The following C11orf65 variants were observed in gnomAD, a reference collection of about 807,000 sequenced individuals.
C11orf65 encodes the protein chromosome 11 open reading frame 65.
C11orf65 carries 38 observed loss-of-function variants against 35.3 expected under a neutral mutation model. The ratio of observed to expected loss-of-function variants is 1.08; its 90% CI spans 0.83 to 1.41. The LOEUF (loss-of-function observed/expected upper bound fraction) is 1.41. Ranked by LOEUF, C11orf65 falls within the 40% of genes most tolerant of loss-of-function variation. The probability of loss-of-function intolerance (pLI) is 0.00; values close to 1 mark genes in which losing one functional copy is unlikely to be tolerated. For missense variants in C11orf65, 370 were observed against 367.1 expected (o/e 1.01, Z -0.06); for synonymous variants, 105 against 114.4 (o/e 0.92, Z 0.53).
intron 2 of C11orf65, among the ~76,000 whole-genome samples, chr11:108,457,760 C>T (rs1195635951): frequency 2.0e-5 from 3 of 152,120 alleles, no homozygotes; most frequent in African/African-American, 4.8e-5. Context: ...AAGAAGTACT[C>T]ATGTTACTTT....
In C11orf65 at chr11:108,403,225, T is replaced by C. The variant is rs527277296; in HGVS notation, c.560+2204A>G. 2.0e-5 allele frequency among the ~76,000 whole-genome samples: 3 copies of C among 152,334 alleles called. No homozygotes were observed. The East Asian group carries it at 5.8e-4, about 29-fold the overall frequency. On this transcript the variant is annotated intron_variant, in intron 6 of 8. Coordinates refer to ENST00000393084, the MANE Select transcript of C11orf65 (RefSeq NM_152587.5). ...TCCATATCCTTGCCAACAATTGGCATGACAGACTATTTCAGTCATTCTAGT... is the reference window on the plus strand; with the variant it reads ...TCCATATCCTTGCCAACAATTGGCACGACAGACTATTTCAGTCATTCTAGT...
At chr11:108,357,762 CAGAA>C (rs1428990870) in intron 2 of C11orf65, among the ~76,000 whole-genome samples, 1 of 152,124 alleles carries the variant, frequency 6.6e-6, no homozygotes, top group Non-Finnish European at 1.5e-5. Flanking sequence ...AACTAACAAA[CAGAA>C]AGGATATCCA....
chr11:108,408,032 A>T (rs940244389), intron 3 of C11orf65, among the ~76,000 whole-genome samples: 2 of 121,606 alleles, frequency 1.6e-5, no homozygotes, highest in African/African-American at 5.5e-5. Context: ...TTATTATTTT[A>T]TTATTACACT....
At chr11:108,399,744 G>GCT (rs1043783875) in intron 6 of C11orf65, among the ~76,000 whole-genome samples, 1 of 152,142 alleles carries the variant, frequency 6.6e-6, no homozygotes, top group Non-Finnish European at 1.5e-5. Flanking sequence ...CTAAAACAGT[G>GCT]CTACGTACTC....
At chr11:108,325,896 G>C (rs558194164) in intron 6 of C11orf65, among the ~76,000 whole-genome samples, 4 of 152,264 alleles carry the variant, frequency 2.6e-5, no homozygotes, top group East Asian at 3.9e-4. Context: ...AGGCAGACGT[G>C]GGGTGGGGAG....
At chr11:108,370,180 CTTTGTTTTTTTAAATGTTCTTATAAAGG>C (rs771556240) in intron 2 of C11orf65, among the ~76,000 whole-genome samples, 22 of 151,902 alleles carry the variant, frequency 1.4e-4, no homozygotes, top group Non-Finnish European at 1.3e-4. Context: ...TTCCTAAGCA[CTTTGTTTTTTTAAATGTTCTTATAAAGG>C]ACATTTTTTT....
chr11:108,310,407 C>A (rs2136024650), intron 6 of C11orf65: 2 of 1,187,216 alleles, frequency 1.7e-6, no homozygotes, highest in Middle Eastern at 2.7e-4. Context: ...CCTCCTGTTC[C>A]CCATTTAAAA....
At chr11:108,469,811 C>T (rs1346032853), upstream of C11orf65, among the ~76,000 whole-genome samples, 1 of 152,032 alleles carries the variant, frequency 6.6e-6, no homozygotes, top group Non-Finnish European at 1.5e-5. Context: ...TTTATATGTA[C>T]CTGCTTAAAT....
At chr11:108,430,138 T>C (rs1565685380) in intron 3 of C11orf65, among the ~76,000 whole-genome samples, 1 of 148,834 alleles carries the variant, frequency 6.7e-6, no homozygotes, top group African/African-American at 2.5e-5. Context: ...TTTTTTTTTT[T>C]TTTTTTTTGA....
chr11:108,315,203 C>T (rs1380129226), intron 6 of C11orf65, among the ~76,000 whole-genome samples: 2 of 152,184 alleles, frequency 1.3e-5, no homozygotes, highest in Non-Finnish European at 2.9e-5. Context: ...CAGATACTCA[C>T]AACACAATAA....
At chr11:108,355,781 T>G (rs1359217074) in intron 2 of C11orf65, 1 of 152,266 alleles carries the variant, frequency 6.6e-6, no homozygotes, top group Non-Finnish European at 1.5e-5. Flanking sequence ...AACTAGGATA[T>G]GAGAACTGTC....
At chr11:108,408,547 A>C (rs1015801499) in intron 3 of C11orf65, among the ~76,000 whole-genome samples, 4 of 151,472 alleles carry the variant, frequency 2.6e-5, no homozygotes, top group Admixed American at 6.6e-5. Context: ...GTGGTGTCGG[A>C]TGCCTGTAAT....
At chr11:108,323,960 A>G (rs2085417093) in intron 6 of C11orf65, among the ~76,000 whole-genome samples, 1 of 152,188 alleles carries the variant, frequency 6.6e-6, no homozygotes, top group Admixed American at 6.5e-5. Context: ...TGCCATGCTC[A>G]CTAAGTTTTG....
intron 2 of C11orf65, chr11:108,345,936 G>T (rs2137041735): frequency 6.2e-7 from 1 of 1,611,888 alleles, no homozygotes; most frequent in South Asian, 1.1e-5. Flanking sequence ...ATAGTAGATT[G>T]AGCACTTTGT....
At chr11:108,364,702 A>G (rs926944197) in intron 2 of C11orf65, among the ~76,000 whole-genome samples, 78 of 152,282 alleles carry the variant, frequency 5.1e-4, no homozygotes, top group African/African-American at 1.5e-3. Context: ...CCACATCCCA[A>G]TCTATACCTT....
intron 2 of C11orf65, among the ~76,000 whole-genome samples, chr11:108,447,349 C>T (rs1016022093): frequency 6.6e-6 from 1 of 151,984 alleles, no homozygotes; most frequent in Non-Finnish European, 1.5e-5. Flanking sequence ...TAGCACCACA[C>T]CACACCTATT....
chr11:108,435,495 A>T (rs2093048006), intron 2 of C11orf65, among the ~76,000 whole-genome samples: 1 of 152,228 alleles, frequency 6.6e-6, no homozygotes, highest in Non-Finnish European at 1.5e-5. Flanking sequence ...ATGGAAAATT[A>T]TAACAACCCC....
At chr11:108,312,553 A>G (rs528001476) in intron 6 of C11orf65, 1 of 1,303,734 alleles carries the variant, frequency 7.7e-7, no homozygotes, top group African/African-American at 1.5e-5. Context: ...ACTTTGGGTT[A>G]TTTTGTTATA....
chr11:108,309,330 C>T (rs575806495), intron 6 of C11orf65, among the ~76,000 whole-genome samples: 6 of 152,144 alleles, frequency 3.9e-5, no homozygotes, highest in Non-Finnish European at 8.8e-5. Flanking sequence ...TAACATTCAT[C>T]GGAAAATTAA....
Sources: allele counts gnomAD v4.1 joint callset (sites outside exome capture counted in the v4.1 genomes callset), GRCh38; gene constraint gnomAD v4.1.1; transcripts MANE v1.5; gene names NCBI Gene and HGNC (gene_info 2026-07-23, HGNC 2026-07-21).